AMER1: variants seen among roughly 807,000 people sequenced by gnomAD.
AMER1 encodes RP11-403E24.2.
A neutral mutation model predicts 53.0 loss-of-function variants in AMER1; 16 were observed. The observed-to-expected ratio is 0.30, with a 90% CI of 0.20 to 0.46. The LOEUF is 0.46. Ranked by LOEUF, AMER1 falls within the 20% of genes least tolerant of loss-of-function variation. The pLI, the probability that AMER1 is intolerant of heterozygous loss-of-function variation, is 1.00. For synonymous variants in AMER1, 354 were observed against 331.9 expected, an observed-to-expected ratio of 1.07 and a Z score of -0.73; for missense variants, 947 against 884.9, an observed-to-expected ratio of 1.07 and a Z score of -0.89.
Position 64,189,825 on chromosome X carries a change from T to A in AMER1, c.*54A>T. On this transcript the variant is annotated 3_prime_UTR_variant, in exon 2 of 2. Transcript: ENST00000374869. ...CCCCCCCACCCTTCTGCCCAACCCC[T>A]GATCCCCATTCACATGCTCAGGCCC... The A allele has an allele frequency of 2.5e-5, 5 of 204,043 alleles. No homozygotes were observed. The highest frequency in any genetic ancestry group is 2.2e-5 in the Non-Finnish European group (3 of 134,751). 16.8% of individuals were successfully genotyped at this position (204,043 alleles called of 1,213,427 possible).
At chrX:64,203,694 T>C (rs1276277448) in intron 1 of AMER1, among the ~76,000 whole-genome samples, 1 of 111,024 alleles carries the variant, frequency 9.0e-6, no homozygotes, top group Non-Finnish European at 1.9e-5. Flanking sequence ...GAACTGAGGT[T>C]TGAGAAGGAA....
chrX:64,193,425 T>A, intron 1 of AMER1, 41 bp from the exon 2 acceptor site: 1 of 950,742 alleles, frequency 1.1e-6, no homozygotes. Flanking sequence ...AGACAGATAC[T>A]AGTGAGCAAG....
Position 64,189,793 on chromosome X carries a change from A to AGGGGCCC in AMER1, c.*85_*86insGGGCCCC. On this transcript the variant is annotated 3_prime_UTR_variant, in exon 2 of 2. Coordinates refer to ENST00000374869, the MANE Select transcript of AMER1 (RefSeq NM_152424.4). ...CAAAGGGTTTTCAAGTTAAACAACA[A>AGGGGCCC]CCCCCACCCCCCCACCCTTCTGCCC... is the stretch of plus-strand genomic sequence containing the variant. 1 of 292,073 alleles carries AGGGGCCC rather than the reference A, an allele frequency of 3.4e-6. No homozygotes were observed. The highest frequency in any genetic ancestry group is 4.9e-6 in the Non-Finnish European group (1 of 204,831). The allele number at this position is 292,073 out of a possible 1,213,427, so 24.1% of individuals were successfully genotyped here. A position where few individuals can be genotyped will look rare whatever the true frequency, so the allele number is the denominator to read the frequency against.
chrX:64,196,581 G>T (rs1177887085), intron 1 of AMER1, among the ~76,000 whole-genome samples: 1 of 111,627 alleles, frequency 9.0e-6, no homozygotes, highest in Non-Finnish European at 1.9e-5. Flanking sequence ...CATGCTGAGA[G>T]GGAGACAGAT....
At position 64,189,792 on chromosome X, in the gene AMER1, A is replaced by AGGGGGGGGGGG; in HGVS notation, c.*86_*87insCCCCCCCCCCC. On this transcript the variant is annotated 3_prime_UTR_variant, in exon 2 of 2. Coordinates refer to ENST00000374869, the MANE Select transcript of AMER1 (RefSeq NM_152424.4). Reference sequence around the variant, plus strand: ...CCAAAGGGTTTTCAAGTTAAACAACAACCCCCACCCCCCCACCCTTCTGCC... The same window carrying AGGGGGGGGGGG: ...CCAAAGGGTTTTCAAGTTAAACAACAGGGGGGGGGGGACCCCCACCCCCCCACCCTTCTGCC... 7 of 746,975 alleles carry AGGGGGGGGGGG rather than the reference A, an allele frequency of 9.4e-6. No homozygotes were observed. Among genetic ancestry groups the AGGGGGGGGGGG allele is most frequent in the Non-Finnish European group, 1.2e-5 (7 of 590,430 alleles). The allele number at this position is 746,975 out of a possible 1,213,427, so 61.6% of individuals were successfully genotyped here.
Position 64,187,637 on chromosome X carries a change from T to G in AMER1, c.*2242A>C. On this transcript the variant is annotated 3_prime_UTR_variant, in exon 2 of 2. Transcript: ENST00000374869. ...CCTGCTGTGGCTGGCACAGTCCACA[T>G]GTAGACAGGAGCTCAAGCTGCCCTG... The G allele has an allele frequency of 1.3e-6, 1 of 775,783 alleles. No homozygotes were observed. Among genetic ancestry groups the G allele is most frequent in the Non-Finnish European group, 1.5e-6 (1 of 651,667 alleles). 63.9% of individuals were successfully genotyped at this position (775,783 alleles called of 1,213,427 possible). A position where few individuals can be genotyped will look rare whatever the true frequency, so the allele number is the denominator to read the frequency against.
At position 64,189,948 on chromosome X, in the gene AMER1, C is replaced by T. The variant is rs911931345; in HGVS notation, c.3339G>A (p.Arg1113=). 4 of 1,204,014 alleles carry T rather than the reference C, an allele frequency of 3.3e-6. No homozygotes were observed. The highest frequency in any genetic ancestry group is 4.5e-6 in the Non-Finnish European group (4 of 892,633). ...TGGCAAGAGAGGCACCTTGCTCAGC[C>T]CTCTCCTTTGACAGGTCAAGGCTGG... ...GPSSLDLSKE[R]AEQGASLATS... is the part of the protein sequence containing the mutation. The change falls in exon 2 of 2, where the codon AGG becomes AGA. Residue 1113 remains arginine, a synonymous_variant. Transcript: ENST00000374869.
Position 64,191,213 on chromosome X carries a change from C to G in AMER1, c.2074G>C (p.Glu692Gln), listed in dbSNP as rs759613339. 107 of 1,210,401 alleles carry G rather than the reference C, an allele frequency of 8.8e-5. No homozygotes were observed. Among genetic ancestry groups the G allele is most frequent in the Admixed American group, 1.7e-4 (8 of 45,888 alleles). ...GGACGGAAGTCCCTCCAGTCTGGCTCGCTGCTTGCAGTGGTGGGGAAAGCT... is the reference window on the plus strand; with the variant it reads ...GGACGGAAGTCCCTCCAGTCTGGCTGGCTGCTTGCAGTGGTGGGGAAAGCT... ...TSAFPTTASS[E>Q]PDWRDFRPLE... The change falls in exon 2 of 2, where the codon GAG (glutamate) becomes CAG (glutamine). Residue 692 changes from glutamate (E) to glutamine (Q), a missense_variant. Transcript: ENST00000374869.
chrX:64,196,392 A>C (rs1172108159), intron 1 of AMER1, among the ~76,000 whole-genome samples: 1 of 112,355 alleles, frequency 8.9e-6, no homozygotes, highest in Non-Finnish European at 1.9e-5. Context: ...AATAGGCACA[A>C]AAAAAGCACT....
chrX:64,193,187 C>A lies in AMER1; in HGVS notation c.100G>T (p.Ala34Ser), dbSNP rs191091408. The A allele has an allele frequency of 1.7e-6, 2 of 1,210,308 alleles. No homozygotes were observed. The highest frequency in any genetic ancestry group is 5.9e-5 in the East Asian group (2 of 33,763). ...GAGGTTGGTCCTTCTGTCGCCTCAG[C>A]TGCCTTGTTCTTGGCTCCTTTTTCT... ...TAEKGAKNKA[A>S]EATEGPTSEP... Residue 34 changes from alanine to serine, a missense_variant, in exon 2 of 2, where the codon GCT (alanine) becomes TCT (serine). Transcript: ENST00000374869.
intron 1 of AMER1, among the ~76,000 whole-genome samples, chrX:64,201,509 G>C (rs1414730217): frequency 9.3e-6 from 1 of 107,885 alleles, no homozygotes; most frequent in Non-Finnish European, 1.9e-5. Flanking sequence ...ACTATAGCAT[G>C]ACAGGCTCAG....
chrX:64,189,991 G>A lies in AMER1; in HGVS notation c.3296C>T (p.Pro1099Leu). The change falls in exon 2 of 2, where the codon CCC (proline) becomes CTC (leucine). Residue 1099 changes from proline (P) to leucine (L), a missense_variant. By Grantham distance (98) the Pro-to-Leu change is moderately conservative. Transcript: ENST00000374869. ...AAGGCTGGAAGGCCCATAGTGAGTGGGCTGAGGCTGGGGGTGCTCAGGCCG... is the reference window on the plus strand; with the variant it reads ...AAGGCTGGAAGGCCCATAGTGAGTGAGCTGAGGCTGGGGGTGCTCAGGCCG... ...RVRPEHPQPQ[P>L]THYGPSSLDL... The A allele has an allele frequency of 8.3e-7, 1 of 1,207,369 alleles. No homozygotes were observed. The highest frequency in any genetic ancestry group is 3.0e-5 in the East Asian group (1 of 33,650).
In AMER1 at chrX:64,192,769, A is replaced by T; in HGVS notation, c.518T>A (p.Phe173Tyr). 8.3e-7 allele frequency: 1 copy of T among 1,209,711 alleles called. No individual in the cohort carries two copies. ...PKPKKGLKGFFSSIRRHRKSK... is the reference protein window; with the variant it reads ...PKPKKGLKGFYSSIRRHRKSK... ...CTTCCGGTGACGGCGGATACTGCTAAAAAAGCCTTTTAGGCCTTTCTTTGG... is the reference window on the plus strand; with the variant it reads ...CTTCCGGTGACGGCGGATACTGCTATAAAAGCCTTTTAGGCCTTTCTTTGG... The change falls in exon 2 of 2, where the codon TTT becomes TAT. Residue 173 changes from phenylalanine to tyrosine, a missense_variant. Coordinates refer to ENST00000374869, the MANE Select transcript of AMER1 (RefSeq NM_152424.4).
chrX:64,188,986 C>A lies in AMER1; in HGVS notation c.*893G>T. 1.6e-5 allele frequency: 13 copies of A among 807,100 alleles called. No individual in the cohort carries two copies. Among genetic ancestry groups the A allele is most frequent in the Non-Finnish European group, 1.6e-5 (11 of 671,686 alleles). The allele number at this position is 807,100 out of a possible 1,213,427, so 66.5% of individuals were successfully genotyped here. ...TTAAAAGAAGGAAAAAAAATCCTAT[C>A]ATTCCGGAGCTCAACACTCTATGGC... On this transcript the variant is annotated 3_prime_UTR_variant, in exon 2 of 2. Coordinates refer to ENST00000374869, the MANE Select transcript of AMER1 (RefSeq NM_152424.4).
intron 1 of AMER1, among the ~76,000 whole-genome samples, chrX:64,201,448 AACACACACACAC>A (rs532857666): frequency 2.8e-4 from 23 of 83,131 alleles, no homozygotes; most frequent in African/African-American, 7.0e-4. Context: ...TCCTTCCCCC[AACACACACACAC>A]ACACACACAC....
In AMER1 at chrX:64,191,657, G is replaced by T; in HGVS notation, c.1630C>A (p.Pro544Thr). The part of the protein sequence containing the change: ...EMFDPFLNFE[P>T]FLSSRPPGAM... ...CCAGGTGGCCGGGAGGACAAAAAGG[G>T]CTCAAAGTTTAAGAAGGGGTCAAAC... Residue 544 changes from proline (P) to threonine (T), a missense_variant, in exon 2 of 2, where the codon CCC becomes ACC. Physicochemically the swap from Pro to Thr is conservative, Grantham distance 38. Transcript: ENST00000374869. The T allele has an allele frequency of 8.2e-7, 1 of 1,212,253 alleles. No homozygotes were observed. The highest frequency in any genetic ancestry group is 1.1e-6 in the Non-Finnish European group (1 of 895,641).
chrX:64,189,792 A>ATGGGGGGGGC lies in AMER1; in HGVS notation c.*86_*87insGCCCCCCCCA. 1.3e-6 allele frequency: 1 copy of ATGGGGGGGGC among 746,977 alleles called. No homozygotes were observed. The highest frequency in any genetic ancestry group is 1.7e-6 in the Non-Finnish European group (1 of 590,434). The allele number at this position is 746,977 out of a possible 1,213,427, so 61.6% of individuals were successfully genotyped here. On this transcript the variant is annotated 3_prime_UTR_variant, in exon 2 of 2. Transcript: ENST00000374869. ...CCAAAGGGTTTTCAAGTTAAACAAC[A>ATGGGGGGGGC]ACCCCCACCCCCCCACCCTTCTGCC...
chrX:64,186,948 A>G lies in AMER1; in HGVS notation c.*2931T>C, dbSNP rs1376860170. On this transcript the variant is annotated 3_prime_UTR_variant, in exon 2 of 2. Transcript: ENST00000374869. ...ATTGGGTAATAAGATGAAGGCAGCTACTTCCACTAAGTCCCATTTTCCCTT... is the reference window on the plus strand; with the variant it reads ...ATTGGGTAATAAGATGAAGGCAGCTGCTTCCACTAAGTCCCATTTTCCCTT... 3.9e-6 allele frequency: 3 copies of G among 773,575 alleles called. No homozygotes were observed. The highest frequency in any genetic ancestry group is 4.6e-6 in the Non-Finnish European group (3 of 651,068). 63.8% of individuals were successfully genotyped at this position (773,575 alleles called of 1,213,427 possible).
chrX:64,203,481 A>G (rs1046598248), intron 1 of AMER1, among the ~76,000 whole-genome samples: 1 of 111,761 alleles, frequency 8.9e-6, no homozygotes, highest in Non-Finnish European at 1.9e-5. Flanking sequence ...TTACTCCTCC[A>G]AAGGGTTCTG....
Sources: allele counts gnomAD v4.1 joint callset (sites outside exome capture counted in the v4.1 genomes callset), GRCh38; gene constraint gnomAD v4.1.1; transcripts MANE v1.5; gene names NCBI Gene and HGNC (gene_info 2026-07-23, HGNC 2026-07-21).